Variants in EPHA6 observed in about 807,000 individuals in gnomAD.
EPHA6 encodes ephrin type-A receptor 6.
A neutral mutation model predicts 112.0 loss-of-function variants in EPHA6; 50 were observed. The observed-to-expected ratio is 0.45, with a 90% CI of 0.36 to 0.56. EPHA6 has a LOEUF of 0.56. EPHA6 is among the 20% of genes least tolerant of loss of function. EPHA6 has a pLI of 0.00. For missense variants in EPHA6, 1,280 were observed against 1,417.4 expected (o/e 0.90, Z 1.56); for synonymous variants, 529 against 490.7 (o/e 1.08, Z -1.03).
chr3:97,181,814 C>A (rs1166427057), intron 3 of EPHA6, among the ~76,000 whole-genome samples: 9 of 151,992 alleles, frequency 5.9e-5, no homozygotes, highest in Admixed American at 5.9e-4. Context: ...GATATCAATT[C>A]TATTTAAGGC....
At chr3:97,057,919 A>T (rs1320757773) in intron 3 of EPHA6, among the ~76,000 whole-genome samples, 1 of 152,134 alleles carries the variant, frequency 6.6e-6, no homozygotes, top group Non-Finnish European at 1.5e-5. Context: ...AAGATGAATC[A>T]TCTGCTTTTA....
chr3:97,066,601 G>A (rs1338157387), intron 3 of EPHA6, among the ~76,000 whole-genome samples: 1 of 152,096 alleles, frequency 6.6e-6, no homozygotes. Flanking sequence ...AGAAGGAGAG[G>A]TTTATCTTAT....
At chr3:97,085,230 A>G (rs748325114) in intron 3 of EPHA6, among the ~76,000 whole-genome samples, 2 of 152,164 alleles carry the variant, frequency 1.3e-5, no homozygotes, top group Admixed American at 6.6e-5. Flanking sequence ...CAGTCATAAT[A>G]CAAAACTTAA....
intron 4 of EPHA6, among the ~76,000 whole-genome samples, chr3:97,226,883 T>C (rs2078373042): frequency 6.6e-6 from 1 of 152,194 alleles, no homozygotes; most frequent in South Asian, 2.1e-4. Flanking sequence ...TCAAGTTCCC[T>C]TGACATTTAT....
At chr3:97,459,848 G>A (rs2090826269) in intron 7 of EPHA6, among the ~76,000 whole-genome samples, 2 of 152,102 alleles carry the variant, frequency 1.3e-5, no homozygotes, top group Admixed American at 1.3e-4. Flanking sequence ...ATACATGCTT[G>A]CTCTCTGCCA....
intron 1 of EPHA6, among the ~76,000 whole-genome samples, chr3:96,847,532 T>C (rs576413344): frequency 1.3e-5 from 2 of 152,198 alleles, no homozygotes; most frequent in African/African-American, 4.8e-5. Flanking sequence ...AAATGTATTA[T>C]TATAGAATCG....
At chr3:97,636,152 C>T (rs1453688086) in intron 13 of EPHA6, among the ~76,000 whole-genome samples, 2 of 151,976 alleles carry the variant, frequency 1.3e-5, no homozygotes, top group South Asian at 2.1e-4. Context: ...TTTCAGGTGC[C>T]CCATTAACAT....
rs144776477 is a variant in EPHA6 at position 96,882,254 on chromosome 3, G to A, written c.450+15365G>A. 5.1e-3 allele frequency among the ~76,000 whole-genome samples: 782 copies of A among 152,306 alleles called. 8 individuals are homozygous for A. The highest frequency in any genetic ancestry group is 0.017 in the African/African-American group (710 of 41,568). On this transcript the variant is annotated intron_variant, in intron 2 of 17. Coordinates refer to ENST00000389672, the MANE Select transcript of EPHA6 (RefSeq NM_001080448.3). ...GCCTTAGCAGAGGTTCTCCATGAGAGCCCTGCCCCTGCAGCAAACTTCTGC... is the reference window on the plus strand; with the variant it reads ...GCCTTAGCAGAGGTTCTCCATGAGAACCCTGCCCCTGCAGCAAACTTCTGC...
chr3:97,711,257 A>G (rs554020302), intron 14 of EPHA6, among the ~76,000 whole-genome samples: 8 of 152,090 alleles, frequency 5.3e-5, no homozygotes, highest in African/African-American at 1.9e-4. Flanking sequence ...CTTGCCTTCC[A>G]CCATGATTGT....
intron 3 of EPHA6, among the ~76,000 whole-genome samples, chr3:97,149,675 C>G (rs1210496661): frequency 1.3e-5 from 2 of 151,530 alleles, no homozygotes; most frequent in Admixed American, 1.3e-4. Flanking sequence ...AACATGAATT[C>G]TATATGTTTA....
chr3:96,943,858 GA>G (rs1204348138), intron 2 of EPHA6, among the ~76,000 whole-genome samples: 1 of 152,082 alleles, frequency 6.6e-6, no homozygotes, highest in East Asian at 1.9e-4. Context: ...TCTGTAAAAT[GA>G]AATTTAAGGA....
chr3:97,645,968 G>T (rs764048484), intron 14 of EPHA6: 21 of 467,662 alleles, frequency 4.5e-5, no homozygotes, highest in Non-Finnish European at 5.8e-5. Context: ...ATAGATAAAG[G>T]TTGGGTTTTG....
At chr3:97,508,555 CTGAGGAGTGT>C (rs1416365225) in intron 10 of EPHA6, among the ~76,000 whole-genome samples, 1 of 152,048 alleles carries the variant, frequency 6.6e-6, no homozygotes, top group Non-Finnish European at 1.5e-5. Context: ...TTTGCATTTG[CTGAGGAGTGT>C]TTTACTTCCA....
intron 2 of EPHA6, among the ~76,000 whole-genome samples, chr3:96,922,098 T>G (rs62263688): frequency 6.6e-6 from 1 of 152,110 alleles, no homozygotes; most frequent in East Asian, 1.9e-4. Context: ...AAAAGCCTTT[T>G]AAGAAAAATA....
At chr3:97,285,516 C>A (rs753678684) in intron 5 of EPHA6, among the ~76,000 whole-genome samples, 1 of 151,996 alleles carries the variant, frequency 6.6e-6, no homozygotes, top group Non-Finnish European at 1.5e-5. Context: ...AACATAAAGA[C>A]CATCATTTGT....
chr3:97,523,476 T>C (rs1358537408), intron 10 of EPHA6, among the ~76,000 whole-genome samples: 1 of 152,050 alleles, frequency 6.6e-6, no homozygotes, highest in Admixed American at 6.6e-5. Flanking sequence ...CTGTGTGCAC[T>C]TGAGAAAAAT....
At chr3:97,569,654 CA>C (rs1481251543) in intron 11 of EPHA6, among the ~76,000 whole-genome samples, 1 of 151,848 alleles carries the variant, frequency 6.6e-6, no homozygotes, top group African/African-American at 2.4e-5. Flanking sequence ...TATACATTTT[CA>C]AAAAAATACT....
intron 3 of EPHA6, among the ~76,000 whole-genome samples, chr3:97,082,571 A>T (rs1479268360): frequency 6.6e-6 from 1 of 151,828 alleles, no homozygotes; most frequent in Non-Finnish European, 1.5e-5. Flanking sequence ...ACTCCCTTTA[A>T]AGCTTTCATT....
chr3:96,990,339 G>C (rs963346650), intron 3 of EPHA6, among the ~76,000 whole-genome samples: 2 of 152,066 alleles, frequency 1.3e-5, no homozygotes, highest in Non-Finnish European at 2.9e-5. Flanking sequence ...TTTATCTAGA[G>C]CTTCTACTTG....
Sources: allele counts gnomAD v4.1 joint callset (sites outside exome capture counted in the v4.1 genomes callset), GRCh38; gene constraint gnomAD v4.1.1; transcripts MANE v1.5; gene names NCBI Gene and HGNC (gene_info 2026-07-23, HGNC 2026-07-21).